Variants in ZNF69 observed in about 807,000 individuals in gnomAD.
ZNF69 encodes zinc finger protein 69.
ZNF69 carries 47 observed loss-of-function variants against 50.9 expected under a neutral mutation model. That is an observed-to-expected ratio of 0.92 (90% CI 0.73 to 1.18). The LOEUF (loss-of-function observed/expected upper bound fraction) is 1.18. Ranked by LOEUF, ZNF69 falls within the 50% of genes most tolerant of loss-of-function variation. The probability of loss-of-function intolerance (pLI) is 0.00; values close to 1 mark genes in which losing one functional copy is unlikely to be tolerated. For missense variants in ZNF69, 717 were observed against 675.1 expected, an observed-to-expected ratio of 1.06 and a Z score of -0.69; for synonymous variants, 216 against 223.1, an observed-to-expected ratio of 0.97 and a Z score of 0.29.
chr19:11,917,244 C>T (rs188456685), downstream of ZNF69, among the ~76,000 whole-genome samples: 2 of 152,324 alleles, frequency 1.3e-5, no homozygotes, highest in South Asian at 2.1e-4. Flanking sequence ...GCAAGCACCA[C>T]ACATTTGATG....
At chr19:11,934,588 G>A in the ZNF69 span, among the ~76,000 whole-genome samples, 1 of 147,418 alleles carries the variant, frequency 6.8e-6, no homozygotes, top group Non-Finnish European at 1.5e-5. Context: ...GTGCAATGGC[G>A]CAATCTCAGC....
chr19:11,975,839 A>G, the ZNF69 span, among the ~76,000 whole-genome samples: 1 of 151,914 alleles, frequency 6.6e-6, no homozygotes, highest in Admixed American at 6.6e-5. Flanking sequence ...ATCTATGCTT[A>G]TTACACCTGG....
chr19:11,967,710 C>G, the ZNF69 span, among the ~76,000 whole-genome samples: 3 of 152,160 alleles, frequency 2.0e-5, no homozygotes, highest in African/African-American at 7.2e-5. Context: ...GCCCCTGTCT[C>G]TATTTTTAAA....
chr19:11,888,120 G>A (rs1158673710), intron 1 of ZNF69, 134 bp downstream of exon 1: 3 of 737,730 alleles, frequency 4.1e-6, no homozygotes, highest in Admixed American at 5.0e-5. Context: ...GAGCCGCTCG[G>A]CCCTCGGTCC....
the ZNF69 span, among the ~76,000 whole-genome samples, chr19:11,954,005 G>A: frequency 2.1e-4 from 32 of 152,222 alleles, no homozygotes; most frequent in East Asian, 9.6e-4. Context: ...TCATTTTTAC[G>A]TATGCATGTT....
chr19:11,945,297 A>G, the ZNF69 span, among the ~76,000 whole-genome samples: 2 of 152,202 alleles, frequency 1.3e-5, no homozygotes, highest in Non-Finnish European at 2.9e-5. Context: ...GCAGAACCCT[A>G]CTGCTCCTAA....
intron 1 of ZNF69, among the ~76,000 whole-genome samples, chr19:11,897,828 C>T (rs1368887677): frequency 2.7e-5 from 4 of 147,710 alleles, no homozygotes; most frequent in East Asian, 2.0e-4. Flanking sequence ...GCCAAGATGG[C>T]GCCACTGCAC....
chr19:11,896,217 TAAAAAAAAAAA>T lies in ZNF69; in HGVS notation c.64-7339_64-7329del, dbSNP rs138289885. 1.8e-3 allele frequency among the ~76,000 whole-genome samples: 117 copies of T among 63,880 alleles called. 1 individual carries two copies. The highest frequency in any genetic ancestry group is 7.4e-3 in the African/African-American group (106 of 14,362). The allele number at this position is 63,880 out of a possible 152,430, so 41.9% of individuals were successfully genotyped here. On this transcript the variant is annotated intron_variant, in intron 1 of 3. Transcript: ENST00000429654. ...CTTGGCAACAAGGGCGAAACTCCAT[TAAAAAAAAAAA>T]AAAAAAAAAAAAAAAAGATTCCCTG...
At chr19:11,965,773 C>T in the ZNF69 span, among the ~76,000 whole-genome samples, 1 of 152,176 alleles carries the variant, frequency 6.6e-6, no homozygotes, top group Non-Finnish European at 1.5e-5. Context: ...GGAAACACAA[C>T]CCCAAGAAGC....
chr19:11,895,457 G>A (rs1009611460), intron 1 of ZNF69, among the ~76,000 whole-genome samples: 3 of 152,222 alleles, frequency 2.0e-5, no homozygotes, highest in African/African-American at 7.2e-5. Flanking sequence ...GGTGGATTTA[G>A]AGCAAGCAGG....
chr19:11,924,035 C>G, the ZNF69 span, among the ~76,000 whole-genome samples: 2,983 of 152,240 alleles, frequency 0.02, 73 homozygotes, highest in African/African-American at 0.059. Context: ...GCATTTGTGG[C>G]GTCTCTGTCC....
the ZNF69 span, chr19:11,978,671 T>C: frequency 3.1e-6 from 5 of 1,614,112 alleles, no homozygotes; most frequent in Non-Finnish European, 4.2e-6. Flanking sequence ...ATGAAAGAAC[T>C]CACACTGGAG....
At chr19:11,965,144 G>A in the ZNF69 span, 2 of 1,611,322 alleles carry the variant, frequency 1.2e-6, no homozygotes, top group Non-Finnish European at 1.7e-6. Context: ...TCTGTCTCCT[G>A]CGCTGTGCCC....
chr19:11,925,580 G>A, the ZNF69 span, among the ~76,000 whole-genome samples: 7 of 152,230 alleles, frequency 4.6e-5, no homozygotes, highest in African/African-American at 1.7e-4. Context: ...CAACGGGAGG[G>A]TCATGGAGGC....
chr19:11,947,928 A>G, the ZNF69 span, among the ~76,000 whole-genome samples: 1 of 152,340 alleles, frequency 6.6e-6, no homozygotes, highest in African/African-American at 2.4e-5. Flanking sequence ...GGATCACTCG[A>G]GACTTCAGGA....
At chr19:11,888,871 G>T (rs781466891) in intron 1 of ZNF69, among the ~76,000 whole-genome samples, 1 of 152,176 alleles carries the variant, frequency 6.6e-6, no homozygotes, top group Non-Finnish European at 1.5e-5. Context: ...TACTCGGGAG[G>T]CTGAGACAAG....
chr19:11,914,221 C>T (rs1325959489), exon 5 of ZNF69: 3 of 151,798 alleles, frequency 2.0e-5, no homozygotes, highest in South Asian at 2.1e-4. Context: ...GAGGCTGACG[C>T]AGGAGACTTG....
the ZNF69 span, chr19:11,950,254 C>T: frequency 1.2e-6 from 2 of 1,604,882 alleles, no homozygotes; most frequent in East Asian, 4.5e-5. Flanking sequence ...ATTCAGCTAG[C>T]CTGGTTCCTT....
the ZNF69 span, among the ~76,000 whole-genome samples, chr19:11,973,870 C>T: frequency 2.6e-5 from 4 of 152,110 alleles, no homozygotes; most frequent in Non-Finnish European, 5.9e-5. Flanking sequence ...ACTACTGAAT[C>T]AGTAAGACCA....
Sources: gnomAD v4.1 joint callset for allele counts (sites outside exome capture counted in the v4.1 genomes callset) on GRCh38, gnomAD v4.1.1 for gene constraint, MANE v1.5 for transcripts, NCBI Gene and HGNC (gene_info 2026-07-23, HGNC 2026-07-21) for gene names.